Variants in CDK4 observed in about 807,000 individuals in gnomAD.
The protein encoded by CDK4 is cyclin dependent kinase 4, also known as cyclin-dependent kinase 4.
Under a neutral mutation model 36.7 loss-of-function variants are expected in CDK4, and 13 were observed. That is an observed-to-expected ratio of 0.35 (90% CI 0.23 to 0.56). The LOEUF (loss-of-function observed/expected upper bound fraction) is 0.56, where lower values mean the gene tolerates loss of function less well. Among genes scored for constraint, CDK4 ranks in the 20% least tolerant of loss-of-function variants. CDK4 has a pLI of 0.85. For missense variants in CDK4, 285 were observed against 387.3 expected, an observed-to-expected ratio of 0.74 and a Z score of 2.22; for synonymous variants, 158 against 146.4, an observed-to-expected ratio of 1.08 and a Z score of -0.57.
At chr12:57,749,612 A>C in intron 5 of CDK4, 108 bp from the exon 6 acceptor site, 2 of 1,076,800 alleles carry the variant, frequency 1.9e-6, no homozygotes, top group Non-Finnish European at 2.8e-6. Flanking sequence ...AAGGCCAACA[A>C]TTCCAGCACT....
chr12:57,750,825 T>C, intron 4 of CDK4, 60 bp from the exon 5 acceptor site: 1 of 1,593,660 alleles, frequency 6.3e-7, no homozygotes, highest in Non-Finnish European at 8.6e-7. Context: ...CACAACTTGC[T>C]TGACTGAACA....
chr12:57,751,482 C>T lies in CDK4; in HGVS notation c.218+18G>A, dbSNP rs1955236343. 4 of 1,612,920 alleles carry T rather than the reference C, an allele frequency of 2.5e-6. No individual in the cohort carries two copies. The highest frequency in any genetic ancestry group is 3.4e-6 in the Non-Finnish European group (4 of 1,179,136). ...TTTCCCTTTACTCCCCACGCCCAAC[C>T]CTCCACCACCTTCTCACCGGACAAC... On this transcript the variant is annotated intron_variant, in intron 2 of 7. Transcript: ENST00000257904. This position sits in a 1 kb window ranked among gnomAD's most constrained non-coding sequence, Gnocchi z 4.5.
Position 57,749,322 on chromosome 12 carries a change from G to A in CDK4, c.684-5C>T, listed in dbSNP as rs765361338. Reference sequence around the variant, plus strand: ...TCTGGAGGCAGCCCAATCAGGCTGTGGGGGACAGGAGAACTCTGGTCAGGA... The same window carrying A: ...TCTGGAGGCAGCCCAATCAGGCTGTAGGGGACAGGAGAACTCTGGTCAGGA... On this transcript the variant is annotated splice_region_variant and splice_polypyrimidine_tract_variant and intron_variant, in intron 6 of 7. Transcript: ENST00000257904. The A allele has an allele frequency of 9.9e-6, 16 of 1,614,058 alleles. No individual in the cohort carries two copies. Among genetic ancestry groups the A allele is most frequent in the African/African-American group, 1.3e-5 (1 of 74,938 alleles).
intron 4 of CDK4, 45 bp from the exon 5 acceptor site, chr12:57,750,810 T>C (rs934401105): frequency 3.8e-5 from 61 of 1,596,672 alleles, no homozygotes; most frequent in African/African-American, 6.7e-5. Context: ...TGGGTTACCA[T>C]GAAACACAAC....
rs3472 is a variant in CDK4, at chr12:57,748,088, G to C, written c.*437C>G. 5,912 of 273,146 alleles carry C rather than the reference G, an allele frequency of 0.022. 309 individuals carry two copies. Among genetic ancestry groups the C allele is most frequent in the African/African-American group, 0.11 (5,192 of 45,786 alleles). The allele number at this position is 273,146 out of a possible 1,614,324, so 16.9% of individuals were successfully genotyped here. On this transcript the variant is annotated 3_prime_UTR_variant, in exon 8 of 8. Transcript: ENST00000257904. ...CAATTTCAGTTCCTTTCTAAGCTTT[G>C]TCAGTCAAGGGGCTCCACTGACTTC...
rs2140385937 is a variant in CDK4, at chr12:57,750,778, G to A, written c.523-13C>T. 1 of 1,609,320 alleles carries A rather than the reference G, an allele frequency of 6.2e-7. No individual in the cohort carries two copies. The highest frequency in any genetic ancestry group is 8.5e-7 in the Non-Finnish European group (1 of 1,175,570). ...AGAGTGTAACAACCTAAAGGGAATA[G>A]GAAGAATGGATGGGGACCCCATGGG... On this transcript the variant is annotated splice_polypyrimidine_tract_variant and intron_variant, in intron 4 of 7. Coordinates refer to ENST00000257904, the MANE Select transcript of CDK4 (RefSeq NM_000075.4).
chr12:57,751,009 T>C lies in CDK4; in HGVS notation c.436A>G (p.Ile146Val), dbSNP rs775182491. ...IVHRDLKPENILVTSGGTVKL... is the reference protein window; with the variant it reads ...IVHRDLKPENVLVTSGGTVKL... ...ACTGTTCCACCACTTGTCACCAGAA[T>C]GTTCTCTGGCTTCAGATCTCGGTGA... The change falls in exon 4 of 8, where the codon ATT becomes GTT. Residue 146 changes from isoleucine (I) to valine (V), a missense_variant. Coordinates refer to ENST00000257904, the MANE Select transcript of CDK4 (RefSeq NM_000075.4). This position sits in a 1 kb window ranked among gnomAD's most constrained non-coding sequence, Gnocchi z 4.5. 1 of 1,614,192 alleles carries C rather than the reference T, an allele frequency of 6.2e-7. No homozygotes were observed. Among genetic ancestry groups the C allele is most frequent in the South Asian group, 1.1e-5 (1 of 91,078 alleles).
rs763203404 is a variant in CDK4, at chr12:57,751,634, A to G, written c.84T>C (p.Ser28=). Residue 28 remains serine (S), a synonymous_variant, in exon 2 of 8, where the codon AGT becomes AGC. Coordinates refer to ENST00000257904, the MANE Select transcript of CDK4 (RefSeq NM_000075.4). The surrounding 1 kb of genome is among the most constrained non-coding windows in gnomAD (Gnocchi z 4.5). ...GTVYKARDPH[S]GHFVALKSVR... is the part of the protein sequence containing the mutation. ...CACTCTTGAGGGCCACAAAGTGGCCACTGTGGGGATCACGGGCCTTGTACA... is the reference window on the plus strand; with the variant it reads ...CACTCTTGAGGGCCACAAAGTGGCCGCTGTGGGGATCACGGGCCTTGTACA... 2.8e-5 allele frequency: 45 copies of G among 1,614,048 alleles called. No homozygotes were observed. The highest frequency in any genetic ancestry group is 3.3e-4 in the Middle Eastern group (2 of 6,084).
At position 57,751,622 on chromosome 12, in the gene CDK4, C is replaced by G. The variant is rs563392051; in HGVS notation, c.96G>C (p.Val32=). Residue 32 remains valine (V), a synonymous_variant, in exon 2 of 8, where the codon GTG becomes GTC. Coordinates refer to ENST00000257904, the MANE Select transcript of CDK4 (RefSeq NM_000075.4). This position sits in a 1 kb window ranked among gnomAD's most constrained non-coding sequence, Gnocchi z 4.5. ...TGGGGACTCTCACACTCTTGAGGGC[C>G]ACAAAGTGGCCACTGTGGGGATCAC... ...KARDPHSGHF[V]ALKSVRVPNG... The G allele has an allele frequency of 5.0e-6, 8 of 1,614,206 alleles. No homozygotes were observed. The East Asian group carries it at 1.8e-4, about 36-fold the overall frequency.
At position 57,751,707 on chromosome 12, in the gene CDK4, G is replaced by T. The variant is rs1227101024; in HGVS notation, c.11C>A (p.Ser4Tyr). 1 of 1,614,138 alleles carries T rather than the reference G, an allele frequency of 6.2e-7. No homozygotes were observed. The highest frequency in any genetic ancestry group is 2.2e-5 in the East Asian group (1 of 44,880). Reference sequence around the variant, plus strand: ...AATTTCAGCCACTGGCTCATATCGAGAGGTAGCCATTCTCAGATCAAGGGA... The same window carrying T: ...AATTTCAGCCACTGGCTCATATCGATAGGTAGCCATTCTCAGATCAAGGGA... MAT[S>Y]RYEPVAEIGV... Residue 4 changes from serine to tyrosine, a missense_variant, in exon 2 of 8, where the codon TCT (serine) becomes TAT (tyrosine). By Grantham distance (144) the Ser-to-Tyr change is moderately radical. Transcript: ENST00000257904. The surrounding 1 kb of genome is among the most constrained non-coding windows in gnomAD (Gnocchi z 4.5).
intron 7 of CDK4, chr12:57,748,925 C>T (rs1341228297): frequency 3.5e-5 from 20 of 565,458 alleles, no homozygotes; most frequent in African/African-American, 5.6e-5. Context: ...AGGCTGGTCT[C>T]GAACTCCTGA....
At position 57,749,435 on chromosome 12, in the gene CDK4, T is replaced by C. The variant is rs1418764920; in HGVS notation, c.683+19A>G. 2 of 1,613,904 alleles carry C rather than the reference T, an allele frequency of 1.2e-6. No individual in the cohort carries two copies. Among genetic ancestry groups the C allele is most frequent in the Non-Finnish European group, 1.7e-6 (2 of 1,179,886 alleles). ...GGACTCAGAATAGAAAATCTTTTTC[T>C]CCCATGTTGGTCACTTACTCAAAGA... On this transcript the variant is annotated intron_variant, in intron 6 of 7. Transcript: ENST00000257904.
Position 57,749,444 on chromosome 12 carries a change from G to A in CDK4, c.683+10C>T, listed in dbSNP as rs1455681193. 2 of 1,613,870 alleles carry A rather than the reference G, an allele frequency of 1.2e-6. No homozygotes were observed. The highest frequency in any genetic ancestry group is 1.7e-6 in the Non-Finnish European group (2 of 1,179,858). On this transcript the variant is annotated intron_variant, in intron 6 of 7. Transcript: ENST00000257904. ...ATAGAAAATCTTTTTCTCCCATGTT[G>A]GTCACTTACTCAAAGATTTTGCCCA...
At chr12:57,750,570 A>G (rs1565806302) in intron 5 of CDK4, 86 bp downstream of exon 5, 4 of 982,234 alleles carry the variant, frequency 4.1e-6, no homozygotes, top group Non-Finnish European at 6.6e-6. Context: ...TGGTCTCAAA[A>G]AAAAAGAATG....
At position 57,751,103 on chromosome 12, in the gene CDK4, G is replaced by C. The variant is rs2140386844; in HGVS notation, c.355-13C>G. 6.2e-7 allele frequency: 1 copy of C among 1,614,116 alleles called. No individual in the cohort carries two copies. Among genetic ancestry groups the C allele is most frequent in the South Asian group, 1.1e-5 (1 of 91,076 alleles). ...GGCGCATCAGATCCTAGTTTCAAAGGGGAGGTACAGATGCACTGGAAACTA... is the reference window on the plus strand; with the variant it reads ...GGCGCATCAGATCCTAGTTTCAAAGCGGAGGTACAGATGCACTGGAAACTA... On this transcript the variant is annotated splice_polypyrimidine_tract_variant and intron_variant, in intron 3 of 7. Coordinates refer to ENST00000257904, the MANE Select transcript of CDK4 (RefSeq NM_000075.4). The surrounding 1 kb of genome is among the most constrained non-coding windows in gnomAD (Gnocchi z 4.5).
At chr12:57,748,655 A>G in intron 7 of CDK4, 38 bp from the exon 8 acceptor site, 1 of 1,407,888 alleles carries the variant, frequency 7.1e-7, no homozygotes, top group Non-Finnish European at 1.0e-6. Context: ...CCATGAAGAA[A>G]ACAGACTTCT....
rs766092188 is a variant in CDK4, at chr12:57,748,609, C to A, written c.828G>T (p.Leu276=). Residue 276 remains leucine, a synonymous_variant, in exon 8 of 8, where the codon CTG becomes CTT. Transcript: ENST00000257904. ...AGATTCGCTTGTGTGGGTTAAAAGT[C>A]AGCATTTCCTGAGGGGAGAGGCAAA... ...ESGAQLLLEM[L]TFNPHKRISA... 2 of 1,613,136 alleles carry A rather than the reference C, an allele frequency of 1.2e-6. No individual in the cohort carries two copies. Among genetic ancestry groups the A allele is most frequent in the East Asian group, 2.2e-5 (1 of 44,876 alleles).
chr12:57,748,609 C>T lies in CDK4; in HGVS notation c.828G>A (p.Leu276=), dbSNP rs766092188. 1 of 1,613,136 alleles carries T rather than the reference C, an allele frequency of 6.2e-7. No homozygotes were observed. Among genetic ancestry groups the T allele is most frequent in the South Asian group, 1.1e-5 (1 of 91,036 alleles). Residue 276 remains leucine (L), a synonymous_variant, in exon 8 of 8, where the codon CTG becomes CTA. Coordinates refer to ENST00000257904, the MANE Select transcript of CDK4 (RefSeq NM_000075.4). ...AGATTCGCTTGTGTGGGTTAAAAGT[C>T]AGCATTTCCTGAGGGGAGAGGCAAA... The part of the protein sequence containing the change: ...ESGAQLLLEM[L]TFNPHKRISA...
chr12:57,749,994 TAA>T (rs1283941524), intron 5 of CDK4: 171 of 128,362 alleles, frequency 1.3e-3, no homozygotes, highest in South Asian at 2.9e-3. Context: ...AGACTCCATC[TAA>T]AAAAAAAAAA....
Sources: allele counts gnomAD v4.1 joint callset, GRCh38; gene constraint gnomAD v4.1.1; non-coding constraint Gnocchi (gnomAD v3.1); transcripts MANE v1.5; gene names NCBI Gene and HGNC (gene_info 2026-07-23, HGNC 2026-07-21).